ATG16L1: variants seen among roughly 807,000 people sequenced by gnomAD.
ATG16L1 encodes autophagy-related protein 16-1.
In ATG16L1, 37 loss-of-function variants were observed where a neutral mutation model predicts 88.5. The ratio of observed to expected loss-of-function variants is 0.42; its 90% CI spans 0.32 to 0.55. ATG16L1 has a LOEUF of 0.55. Ranked by LOEUF, ATG16L1 falls within the 20% of genes least tolerant of loss-of-function variation. The pLI, the probability that ATG16L1 is intolerant of heterozygous loss-of-function variation, is 0.13. For synonymous variants in ATG16L1, 301 were observed against 281.0 expected, an observed-to-expected ratio of 1.07 and a Z score of -0.71; for missense variants, 554 against 752.8, an observed-to-expected ratio of 0.74 and a Z score of 3.09.
At chr2:233,292,101 A>G (rs1041976093) in intron 14 of ATG16L1, 27 bp from the exon 15 acceptor site, 21 of 1,609,450 alleles carry the variant, frequency 1.3e-5, no homozygotes, top group Admixed American at 3.4e-5. Context: ...CCTACGTTAC[A>G]TTTCTCAGAT....
intron 1 of ATG16L1, 96 bp downstream of exon 1, chr2:233,252,038 G>C: frequency 9.0e-7 from 1 of 1,109,938 alleles, no homozygotes; most frequent in Non-Finnish European, 1.2e-6. Flanking sequence ...CCCTGGCGCC[G>C]CCCGCACGCA....
rs779423023 is a variant in ATG16L1, at chr2:233,263,271, C to G, written c.315+36C>G. 1.9e-6 allele frequency: 3 copies of G among 1,582,422 alleles called. No individual in the cohort carries two copies. In the African/African-American group the frequency reaches 4.0e-5, roughly 21 times the overall value. Reference sequence around the variant, plus strand: ...CCCTTTTCCTCATCTGTCTTCTGCCCTCTATGAGAGTCCTGTGGGGAGCGG... The same window carrying G: ...CCCTTTTCCTCATCTGTCTTCTGCCGTCTATGAGAGTCCTGTGGGGAGCGG... On this transcript the variant is annotated intron_variant, in intron 3 of 17. Coordinates refer to ENST00000392017, the MANE Select transcript of ATG16L1 (RefSeq NM_030803.7).
At chr2:233,288,894 G>T (rs754834272) in intron 12 of ATG16L1, 1 of 519,226 alleles carries the variant, frequency 1.9e-6, no homozygotes, top group Non-Finnish European at 3.8e-6. Flanking sequence ...TGATTGTTGG[G>T]AGTGCTGGTA....
intron 7 of ATG16L1, chr2:233,273,373 T>TC (rs919034347): frequency 7.9e-5 from 39 of 490,674 alleles, no homozygotes; most frequent in Admixed American, 4.1e-4. Flanking sequence ...TACTAGGGCT[T>TC]CCCCCCGCCC....
At chr2:233,273,633 C>T in intron 7 of ATG16L1, 88 bp from the exon 8 acceptor site, 2 of 1,271,220 alleles carry the variant, frequency 1.6e-6, no homozygotes, top group South Asian at 2.5e-5. Flanking sequence ...AACATATTCC[C>T]AGTTACCTGT....
At position 233,292,073 on chromosome 2, in the gene ATG16L1, G is replaced by C; in HGVS notation, c.1431-55G>C. On this transcript the variant is annotated intron_variant, in intron 14 of 17. Transcript: ENST00000392017. ...GTGCCTTTTTTTTCCTCCACGGCAT[G>C]ATGTGAAGTAGTTCTGGCCTACGTT... is the stretch of plus-strand genomic sequence containing the variant. 3 of 1,585,126 alleles carry C rather than the reference G, an allele frequency of 1.9e-6. No individual in the cohort carries two copies. In the South Asian group the frequency reaches 3.4e-5, roughly 18 times the overall value.
intron 1 of ATG16L1, among the ~76,000 whole-genome samples, chr2:233,254,042 A>G (rs781740769): frequency 1.3e-5 from 2 of 152,202 alleles, no homozygotes; most frequent in Non-Finnish European, 2.9e-5. Flanking sequence ...TGCCCTGCCC[A>G]CTTCATAAAA....
chr2:233,256,734 AC>A (rs1482359806), intron 2 of ATG16L1, among the ~76,000 whole-genome samples: 2 of 146,352 alleles, frequency 1.4e-5, no homozygotes, highest in African/African-American at 2.5e-5. Context: ...TCACTCTGTC[AC>A]CCAGGCCGGA....
At chr2:233,264,107 C>A (rs1323609852) in intron 4 of ATG16L1, 42 bp downstream of exon 4, 2 of 1,604,842 alleles carry the variant, frequency 1.2e-6, no homozygotes, top group African/African-American at 2.7e-5. Context: ...GTCATTGGGT[C>A]CCATGTCCTT....
chr2:233,274,915 T>G (rs1698244539), intron 9 of ATG16L1, 137 bp downstream of exon 9: 1 of 585,930 alleles, frequency 1.7e-6, no homozygotes, highest in East Asian at 3.1e-5. Flanking sequence ...TTTGGCTCTG[T>G]CAGCTGTGAG....
intron 12 of ATG16L1, among the ~76,000 whole-genome samples, chr2:233,283,582 G>C (rs1198998678): frequency 6.6e-6 from 1 of 151,612 alleles, no homozygotes; most frequent in African/African-American, 2.4e-5. Context: ...TTTTGAGATG[G>C]AGTTTTGCTC....
intron 12 of ATG16L1, among the ~76,000 whole-genome samples, chr2:233,287,513 CTTAACA>C (rs1042450593): frequency 5.3e-4 from 81 of 152,200 alleles, no homozygotes; most frequent in African/African-American, 1.9e-3. Context: ...TGATTTTACT[CTTAACA>C]TTAAGAAAGA....
At chr2:233,274,843 G>A in intron 9 of ATG16L1, 65 bp downstream of exon 9, 1 of 1,259,228 alleles carries the variant, frequency 7.9e-7, no homozygotes, top group Non-Finnish European at 1.1e-6. Context: ...GCAATTAAAG[G>A]GTCCTTTCTA....
At chr2:233,272,897 G>A in intron 6 of ATG16L1, 69 bp from the exon 7 acceptor site, 6 of 1,341,094 alleles carry the variant, frequency 4.5e-6, no homozygotes, top group South Asian at 1.2e-5. Context: ...AATGACATTA[G>A]CATTTGCGGA....
At position 233,294,374 on chromosome 2, in the gene ATG16L1, C is replaced by T. The variant is rs767029766; in HGVS notation, c.*24C>T. 4 of 1,589,358 alleles carry T rather than the reference C, an allele frequency of 2.5e-6. No individual in the cohort carries two copies. The Admixed American group carries it at 6.7e-5, about 27-fold the overall frequency. ...GACGGGGCTCTCAGGGCTGGGAGGA[C>T]CCCAGTGCCCTCCTCAGAAGAAGCA... is the stretch of plus-strand genomic sequence containing the variant. On this transcript the variant is annotated 3_prime_UTR_variant, in exon 18 of 18. Transcript: ENST00000392017.
intron 14 of ATG16L1, 106 bp downstream of exon 14, chr2:233,290,459 T>A (rs528000619): frequency 2.1e-4 from 186 of 879,000 alleles, no homozygotes; most frequent in Non-Finnish European, 2.5e-4. Context: ...GAAATGAGTT[T>A]CGGTACACGT....
intron 3 of ATG16L1, 140 bp from the exon 4 acceptor site, chr2:233,263,852 G>T (rs955810098): frequency 1.4e-5 from 9 of 655,810 alleles, no homozygotes; most frequent in Non-Finnish European, 1.8e-5. Flanking sequence ...GTTCCCCTTT[G>T]TGTCCCCATA....
chr2:233,268,407 C>A (rs552141161), intron 5 of ATG16L1, among the ~76,000 whole-genome samples: 3 of 152,236 alleles, frequency 2.0e-5, no homozygotes, highest in Admixed American at 2.0e-4. Context: ...TGCAGTGAGC[C>A]GAGATGATGT....
In ATG16L1 at chr2:233,295,500, GC is replaced by G. The variant is rs1254318528; in HGVS notation, c.*1153del. ...CCACCGATGGTCCTGGCCTCCACCT[GC>G]CCTCTCTTCCCTGCCTGATCACCGC... On this transcript the variant is annotated 3_prime_UTR_variant, in exon 18 of 18. Transcript: ENST00000392017. 1.3e-5 allele frequency: 2 copies of G among 152,744 alleles called. No individual in the cohort carries two copies. The highest frequency in any genetic ancestry group is 4.8e-5 in the African/African-American group (2 of 41,438). The allele number at this position is 152,744 out of a possible 1,614,324, so 9.5% of individuals were successfully genotyped here. A position where few individuals can be genotyped will look rare whatever the true frequency, so the allele number is the denominator to read the frequency against.
Sources: allele counts gnomAD v4.1 joint callset (sites outside exome capture counted in the v4.1 genomes callset), GRCh38; gene constraint gnomAD v4.1.1; transcripts MANE v1.5; gene names NCBI Gene and HGNC (gene_info 2026-07-23, HGNC 2026-07-21).